PRC1: variants seen among roughly 807,000 people sequenced by gnomAD.
PRC1 encodes protein regulator of cytokinesis 1.
Under a neutral mutation model 91.2 loss-of-function variants are expected in PRC1, and 54 were observed. The observed-to-expected ratio is 0.59, with a 90% CI of 0.48 to 0.74. PRC1 has a LOEUF of 0.74. Among genes scored for constraint, PRC1 ranks in the 30% least tolerant of loss-of-function variants. The probability of loss-of-function intolerance (pLI) is 0.00; values close to 1 mark genes in which losing one functional copy is unlikely to be tolerated. For synonymous variants in PRC1, 275 were observed against 263.6 expected (o/e 1.04, Z -0.42); for missense variants, 727 against 746.2 (o/e 0.97, Z 0.30).
intron 12 of PRC1, among the ~76,000 whole-genome samples, chr15:90,970,060 C>A (rs757881937): frequency 4.6e-5 from 7 of 152,116 alleles, no homozygotes; most frequent in Non-Finnish European, 1.5e-5. Flanking sequence ...GTCTAGTGAT[C>A]TGGTTTCACT....
intron 11 of PRC1, among the ~76,000 whole-genome samples, chr15:90,972,576 C>T (rs1380222408): frequency 6.6e-6 from 1 of 151,370 alleles, no homozygotes; most frequent in Non-Finnish European, 1.5e-5. Flanking sequence ...CCTGTCTCTA[C>T]TAAAAATACA....
At chr15:90,976,318 G>C (rs1278611603) in intron 9 of PRC1, among the ~76,000 whole-genome samples, 1 of 151,456 alleles carries the variant, frequency 6.6e-6, no homozygotes, top group Non-Finnish European at 1.5e-5. Context: ...TCAAGACCAG[G>C]CTGGTCTTGA....
rs762078624 is a variant in PRC1 at position 90,984,862 on chromosome 15, G to T, written c.12-37C>A. 1.2e-6 allele frequency: 2 copies of T among 1,611,566 alleles called. No individual in the cohort carries two copies. Among genetic ancestry groups the T allele is most frequent in the South Asian group, 2.2e-5 (2 of 90,774 alleles). On this transcript the variant is annotated intron_variant, in intron 1 of 14. Coordinates refer to ENST00000394249, the MANE Select transcript of PRC1 (RefSeq NM_003981.4). This position sits in a 1 kb window ranked among gnomAD's most constrained non-coding sequence, Gnocchi z 5.1. The stretch of plus-strand genomic sequence containing the variant: ...AAACTAAGGCCTGTTAGTTACATCA[G>T]TCACAGCCTCTGGACTAAAAGCACT...
chr15:90,969,636 GAA>G lies in PRC1; in HGVS notation c.1573-15_1573-14del. The G allele has an allele frequency of 1.3e-6, 2 of 1,580,324 alleles. No individual in the cohort carries two copies. The highest frequency in any genetic ancestry group is 1.4e-5 in the African/African-American group (1 of 73,918). On this transcript the variant is annotated splice_polypyrimidine_tract_variant and intron_variant, in intron 12 of 14. Coordinates refer to ENST00000394249, the MANE Select transcript of PRC1 (RefSeq NM_003981.4). ...AAGCAGCGACTGGCTGCAGAGAAAG[GAA>G]AGAGATCCATGTATCATCCTTCTAA...
chr15:90,969,880 C>T (rs988230708), intron 12 of PRC1, among the ~76,000 whole-genome samples: 8 of 149,874 alleles, frequency 5.3e-5, no homozygotes, highest in South Asian at 2.1e-4. Context: ...GCGACATGTT[C>T]GAGACCAGCC....
In PRC1 at chr15:90,974,152, G is replaced by C. The variant is rs369605877; in HGVS notation, c.1445C>G (p.Pro482Arg). 1 of 1,613,892 alleles carries C rather than the reference G, an allele frequency of 6.2e-7. No individual in the cohort carries two copies. The highest frequency in any genetic ancestry group is 8.5e-7 in the Non-Finnish European group (1 of 1,179,790). Reference protein sequence around the residue: ...SKRRGLAPNTPGKARKLNTTT... With the variant: ...SKRRGLAPNTRGKARKLNTTT... ...TGTGTTTACCTTACGTGCTTTGCCC[G>C]GTGTATTGGGAGCCAGTCCTCGCCG... is the stretch of plus-strand genomic sequence containing the variant. Residue 482 changes from proline (P) to arginine (R), a missense_variant, in exon 11 of 15, where the codon CCG becomes CGG. Coordinates refer to ENST00000394249, the MANE Select transcript of PRC1 (RefSeq NM_003981.4). The surrounding 1 kb of genome is among the most constrained non-coding windows in gnomAD (Gnocchi z 4.6).
Position 90,980,349 on chromosome 15 carries a change from T to C in PRC1, c.863A>G (p.Gln288Arg), listed in dbSNP as rs778155367. 5.0e-6 allele frequency: 8 copies of C among 1,614,026 alleles called. No individual in the cohort carries two copies. The Admixed American group carries it at 1.3e-4, about 27-fold the overall frequency. ...EVDRLEELKM[Q>R]NMKKVIEAIR... is the part of the protein sequence containing the mutation. Reference sequence around the variant, plus strand: ...TGCCTCAATCACTTTCTTCATGTTTTGCATTTTCAGTTCTTCCAACCGATC... The same window carrying C: ...TGCCTCAATCACTTTCTTCATGTTTCGCATTTTCAGTTCTTCCAACCGATC... Residue 288 changes from glutamine to arginine, a missense_variant, in exon 7 of 15, where the codon CAA becomes CGA. Coordinates refer to ENST00000394249, the MANE Select transcript of PRC1 (RefSeq NM_003981.4).
At chr15:90,990,414 TAG>T (rs2039907560) in intron 1 of PRC1, among the ~76,000 whole-genome samples, 1 of 147,818 alleles carries the variant, frequency 6.8e-6, no homozygotes, top group Non-Finnish European at 1.5e-5. Context: ...TTTTAAGAGG[TAG>T]AGTCTCTCTA....
Position 90,966,425 on chromosome 15 carries a change from G to T in PRC1, c.*706C>A. On this transcript the variant is annotated 3_prime_UTR_variant, in exon 15 of 15. Coordinates refer to ENST00000394249, the MANE Select transcript of PRC1 (RefSeq NM_003981.4). ...GGGGTAGAAGAACTCAGGCAAAGTA[G>T]GCACAGGAATGGGGGAGATGAGAGC... The T allele has an allele frequency of 2.8e-6, 1 of 351,118 alleles. No individual in the cohort carries two copies. Among genetic ancestry groups the T allele is most frequent in the Non-Finnish European group, 5.8e-6 (1 of 172,420 alleles). The allele number at this position is 351,118 out of a possible 1,614,324, so 21.8% of individuals were successfully genotyped here. A position where few individuals can be genotyped will look rare whatever the true frequency, so the allele number is the denominator to read the frequency against.
At chr15:90,971,495 A>C (rs1210346935) in intron 11 of PRC1, among the ~76,000 whole-genome samples, 1 of 151,712 alleles carries the variant, frequency 6.6e-6, no homozygotes, top group Non-Finnish European at 1.5e-5. Flanking sequence ...CATGTTTCCT[A>C]GTCTCCCAAC....
In PRC1 at chr15:90,994,475, G is replaced by T; in HGVS notation, c.-58C>A. On this transcript the variant is annotated 5_prime_UTR_variant, in exon 1 of 15. Transcript: ENST00000394249. Reference sequence around the variant, plus strand: ...CCAGACCTACTCCACACGGCCCCGAGAGCAACAACCACCCGCAAACACCGG... The same window carrying T: ...CCAGACCTACTCCACACGGCCCCGATAGCAACAACCACCCGCAAACACCGG... The T allele has an allele frequency of 6.3e-7, 1 of 1,575,104 alleles. No individual in the cohort carries two copies. Among genetic ancestry groups the T allele is most frequent in the African/African-American group, 1.4e-5 (1 of 72,348 alleles).
In PRC1 at chr15:90,984,255, G is replaced by C; in HGVS notation, c.145-115C>G. ...TTTTTCTTTTTTTCTTTGAGATGGA[G>C]TCTCGCTCTGTTGCCCAGGCTGGAG... On this transcript the variant is annotated intron_variant, in intron 2 of 14. Coordinates refer to ENST00000394249, the MANE Select transcript of PRC1 (RefSeq NM_003981.4). The surrounding 1 kb of genome is among the most constrained non-coding windows in gnomAD (Gnocchi z 5.1). 7.3e-7 allele frequency: 1 copy of C among 1,375,600 alleles called. No homozygotes were observed. The highest frequency in any genetic ancestry group is 9.9e-7 in the Non-Finnish European group (1 of 1,013,484). 85.2% of individuals were successfully genotyped at this position (1,375,600 alleles called of 1,614,324 possible).
At chr15:90,968,377 T>C in intron 14 of PRC1, 1 of 985,464 alleles carries the variant, frequency 1.0e-6, no homozygotes, top group Non-Finnish European at 1.2e-6. Flanking sequence ...CTGCAGCAAT[T>C]AAGAGGGGAG....
chr15:90,980,632 GTC>G (rs1367923541), intron 6 of PRC1: 1 of 669,098 alleles, frequency 1.5e-6, no homozygotes, highest in Non-Finnish European at 2.4e-6. Context: ...CGATTCTCCT[GTC>G]TCAGCCTCCC....
At chr15:90,972,682 T>C (rs1301168530) in intron 11 of PRC1, among the ~76,000 whole-genome samples, 1 of 151,404 alleles carries the variant, frequency 6.6e-6, no homozygotes, top group Non-Finnish European at 1.5e-5. Context: ...GAGGCTGTAG[T>C]GAGCTGAGAT....
intron 1 of PRC1, among the ~76,000 whole-genome samples, chr15:90,986,572 A>C (rs2039590123): frequency 6.6e-6 from 1 of 152,178 alleles, no homozygotes; most frequent in South Asian, 2.1e-4. Flanking sequence ...CAGTGAGCCA[A>C]GGTTGCAGTG....
intron 1 of PRC1, chr15:90,988,054 A>T (rs537099024): frequency 6.6e-6 from 1 of 152,328 alleles, no homozygotes; most frequent in Admixed American, 6.5e-5. Flanking sequence ...TAACAGTTCA[A>T]GTCCAACAGA....
At chr15:90,982,268 T>A (rs907842159) in intron 3 of PRC1, among the ~76,000 whole-genome samples, 1 of 152,220 alleles carries the variant, frequency 6.6e-6, no homozygotes, top group Admixed American at 6.5e-5. Context: ...TCATTGGTAT[T>A]AAGTACAGTC....
intron 5 of PRC1, 159 bp from the exon 6 acceptor site, chr15:90,981,192 T>TG (rs2039167753): frequency 1.0e-6 from 1 of 981,088 alleles, no homozygotes; most frequent in African/African-American, 1.6e-5. Flanking sequence ...GCTGTAAGGC[T>TG]GTCGGGATCT....
Sources: gnomAD v4.1 joint callset for allele counts (sites outside exome capture counted in the v4.1 genomes callset) on GRCh38, gnomAD v4.1.1 for gene constraint, Gnocchi (gnomAD v3.1) non-coding constraint, MANE v1.5 for transcripts, NCBI Gene and HGNC (gene_info 2026-07-23, HGNC 2026-07-21) for gene names.